The following PPARGC1A variants were observed in gnomAD, a reference collection of about 807,000 sequenced individuals.
PPARGC1A encodes PPARG coactivator 1 alpha.
In PPARGC1A, 25 loss-of-function variants were observed where a neutral mutation model predicts 88.7. The observed-to-expected ratio is 0.28, with a 90% CI of 0.21 to 0.39. PPARGC1A has a LOEUF of 0.39. Among genes scored for constraint, PPARGC1A ranks in the 10% least tolerant of loss-of-function variants. The pLI, the probability that PPARGC1A is intolerant of heterozygous loss-of-function variation, is 1.00. For missense variants in PPARGC1A, 880 were observed against 968.7 expected, an observed-to-expected ratio of 0.91 and a Z score of 1.22; for synonymous variants, 363 against 355.6, an observed-to-expected ratio of 1.02 and a Z score of -0.24.
chr4:24,341,719 GATTAA>G, the PPARGC1A span, among the ~76,000 whole-genome samples: 2 of 152,194 alleles, frequency 1.3e-5, no homozygotes, highest in Admixed American at 6.5e-5. Flanking sequence ...AGGAGACACA[GATTAA>G]AGGCCTTGAG....
the PPARGC1A span, among the ~76,000 whole-genome samples, chr4:24,221,266 A>AT: frequency 6.6e-6 from 1 of 152,198 alleles, no homozygotes; most frequent in Non-Finnish European, 1.5e-5. Context: ...GTATTAGCCA[A>AT]TTTATTGAAC....
intron 1 of PPARGC1A, among the ~76,000 whole-genome samples, chr4:23,895,233 T>G (rs2970864): frequency 0.041 from 6,227 of 150,848 alleles, 416 homozygotes; most frequent in African/African-American, 0.14. Context: ...CTAATTAGCT[T>G]AGCTTTTCTC....
the PPARGC1A span, among the ~76,000 whole-genome samples, chr4:23,995,104 G>A: frequency 6.6e-6 from 1 of 152,084 alleles, no homozygotes; most frequent in African/African-American, 2.4e-5. Flanking sequence ...ACCCCCAGTG[G>A]TACTGACTGT....
the PPARGC1A span, among the ~76,000 whole-genome samples, chr4:24,153,567 G>A: frequency 1.3e-5 from 2 of 152,166 alleles, no homozygotes; most frequent in Admixed American, 6.6e-5. Context: ...GAAATATGAG[G>A]ATAACTAGAA....
At chr4:23,890,706 G>A (rs1367195314), upstream of PPARGC1A, among the ~76,000 whole-genome samples, 3 of 148,214 alleles carry the variant, frequency 2.0e-5, no homozygotes, top group Non-Finnish European at 4.4e-5. Flanking sequence ...CTGCCCCCAT[G>A]GCAGTAGGGA....
intron 2 of PPARGC1A, chr4:23,866,149 T>G (rs1231017827): frequency 2.0e-5 from 3 of 152,236 alleles, no homozygotes. Flanking sequence ...AACTGCATTT[T>G]CTTTGCTTTC....
At chr4:24,068,369 C>T in the PPARGC1A span, among the ~76,000 whole-genome samples, 1,267 of 152,278 alleles carry the variant, frequency 8.3e-3, 18 homozygotes, top group African/African-American at 0.028. Flanking sequence ...AGAGAACCCT[C>T]ATTTACTCAT....
At chr4:24,075,629 G>A in the PPARGC1A span, among the ~76,000 whole-genome samples, 1 of 152,022 alleles carries the variant, frequency 6.6e-6, no homozygotes, top group Non-Finnish European at 1.5e-5. Context: ...CATGGGGGGA[G>A]GTTTTTGCCA....
chr4:23,902,739 A>T (rs1235109967), upstream of PPARGC1A, among the ~76,000 whole-genome samples: 2 of 152,146 alleles, frequency 1.3e-5, no homozygotes, highest in Non-Finnish European at 2.9e-5. Flanking sequence ...TTCAGAGGGT[A>T]ATATTCACTT....
the PPARGC1A span, among the ~76,000 whole-genome samples, chr4:23,929,243 A>G: frequency 6.6e-6 from 1 of 152,254 alleles, no homozygotes; most frequent in Non-Finnish European, 1.5e-5. Flanking sequence ...ACACCAGTCT[A>G]TAAAGGACGC....
At chr4:24,158,169 C>G in the PPARGC1A span, among the ~76,000 whole-genome samples, 1 of 151,826 alleles carries the variant, frequency 6.6e-6, no homozygotes, top group Non-Finnish European at 1.5e-5. Flanking sequence ...TTGCCTCTGA[C>G]CAGAATATTC....
the PPARGC1A span, among the ~76,000 whole-genome samples, chr4:24,399,072 C>T: frequency 6.6e-6 from 1 of 152,180 alleles, no homozygotes; most frequent in Non-Finnish European, 1.5e-5. Flanking sequence ...ACTGCAAGGG[C>T]CCAAAGCCTG....
chr4:24,318,477 C>T, the PPARGC1A span, among the ~76,000 whole-genome samples: 1 of 152,230 alleles, frequency 6.6e-6, no homozygotes, highest in Admixed American at 6.5e-5. Context: ...AGTACTTTCA[C>T]TCTGCTATTT....
chr4:23,888,190 A>G (rs2970872), intron 1 of PPARGC1A, among the ~76,000 whole-genome samples: 82,327 of 152,144 alleles, frequency 0.54, 23,670 homozygotes, highest in African/African-American at 0.71. Flanking sequence ...CTAGCTGCCT[A>G]TAGTGCAACA....
chr4:23,885,336 T>C (rs1716687733), intron 1 of PPARGC1A, among the ~76,000 whole-genome samples: 1 of 152,220 alleles, frequency 6.6e-6, no homozygotes, highest in Admixed American at 6.5e-5. Flanking sequence ...TTGGAAATTT[T>C]ATCACACATA....
the PPARGC1A span, among the ~76,000 whole-genome samples, chr4:24,284,735 A>G: frequency 6.6e-6 from 1 of 152,216 alleles, no homozygotes; most frequent in African/African-American, 2.4e-5. Context: ...TTCCTTAGAA[A>G]AGAAAGAAGA....
chr4:24,341,756 T>A, the PPARGC1A span, among the ~76,000 whole-genome samples: 1 of 152,158 alleles, frequency 6.6e-6, no homozygotes, highest in Non-Finnish European at 1.5e-5. Context: ...CTTAACATGT[T>A]TGAGACATGC....
the PPARGC1A span, among the ~76,000 whole-genome samples, chr4:23,963,121 C>T: frequency 6.6e-6 from 1 of 151,940 alleles, no homozygotes; most frequent in Non-Finnish European, 1.5e-5. Context: ...TGGTGGAGAC[C>T]CCGTGAAAAA....
intron 1 of PPARGC1A, among the ~76,000 whole-genome samples, chr4:23,886,458 C>T (rs1716909647): frequency 6.6e-6 from 1 of 152,130 alleles, no homozygotes; most frequent in Middle Eastern, 3.4e-3. Context: ...GACTGAAAAT[C>T]ATTGCCATCC....
Sources: allele counts gnomAD v4.1 joint callset (sites outside exome capture counted in the v4.1 genomes callset), GRCh38; gene constraint gnomAD v4.1.1; transcripts MANE v1.5; gene names NCBI Gene and HGNC (gene_info 2026-07-23, HGNC 2026-07-21).